Variants in ABCA13 observed in about 807,000 individuals in gnomAD.
ABCA13 encodes the protein ATP-binding cassette sub-family A member 13.
In ABCA13, 476 loss-of-function variants were observed where a neutral mutation model predicts 478.7. The ratio of observed to expected loss-of-function variants is 0.99; its 90% CI spans 0.92 to 1.07. ABCA13 has a LOEUF of 1.07. ABCA13 is among the 50% of genes least tolerant of loss of function. The probability of loss-of-function intolerance (pLI) is 0.00; values close to 1 mark genes in which losing one functional copy is unlikely to be tolerated. For missense variants in ABCA13, 6,060 were observed against 5,910.6 expected, an observed-to-expected ratio of 1.03 and a Z score of -0.83; for synonymous variants, 2,252 against 2,158.9, an observed-to-expected ratio of 1.04 and a Z score of -1.20.
intron 15 of ABCA13, among the ~76,000 whole-genome samples, chr7:48,266,718 T>A (rs904454600): frequency 2.0e-5 from 3 of 151,822 alleles, no homozygotes; most frequent in African/African-American, 7.3e-5. Context: ...CTTCTTTCTT[T>A]ATTCTACTTA....
intron 17 of ABCA13, among the ~76,000 whole-genome samples, chr7:48,277,579 A>C (rs898194703): frequency 1.3e-5 from 2 of 152,206 alleles, no homozygotes; most frequent in Admixed American, 1.3e-4. Flanking sequence ...TCTATCCTAG[A>C]ACTCTCATGA....
intron 61 of ABCA13, 93 bp downstream of exon 61, chr7:48,644,847 T>G: frequency 2.4e-6 from 3 of 1,256,990 alleles, no homozygotes; most frequent in Non-Finnish European, 3.2e-6. Flanking sequence ...TTGCTTCAAT[T>G]CACCACTTTA....
At position 48,276,321 on chromosome 7, in the gene ABCA13, A is replaced by T; in HGVS notation, c.6655A>T (p.Asn2219Tyr). The T allele has an allele frequency of 6.4e-7, 1 of 1,555,734 alleles. No individual in the cohort carries two copies. The highest frequency in any genetic ancestry group is 1.4e-5 in the African/African-American group (1 of 73,334). Reference sequence around the variant, plus strand: ...TAATTTGATCAATAACTTAGCTGGGAATTCTCAGGAAGCAGCTTGGAACTT... The same window carrying T: ...TAATTTGATCAATAACTTAGCTGGGTATTCTCAGGAAGCAGCTTGGAACTT... ...LINLINNLAG[N>Y]SQEAAWNLND... The change falls in exon 17 of 62, where the codon AAT becomes TAT. Residue 2219 changes from asparagine to tyrosine, a missense_variant. By Grantham distance (143) the Asn-to-Tyr change is moderately radical (BLOSUM62 -2). Transcript: ENST00000435803.
intron 23 of ABCA13, among the ~76,000 whole-genome samples, chr7:48,308,528 C>T (rs1801253461): frequency 6.6e-6 from 1 of 152,118 alleles, no homozygotes; most frequent in South Asian, 2.1e-4. Context: ...TACACCGGCA[C>T]TGCCACAAAC....
chr7:48,415,888 T>C (rs1046506112), intron 41 of ABCA13, among the ~76,000 whole-genome samples: 2 of 152,174 alleles, frequency 1.3e-5, no homozygotes, highest in African/African-American at 2.4e-5. Flanking sequence ...CCATAGCACA[T>C]GTGAATAAGA....
At chr7:48,242,950 G>A (rs1224306785) in intron 10 of ABCA13, 1 of 152,224 alleles carries the variant, frequency 6.6e-6, no homozygotes, top group Non-Finnish European at 1.5e-5. Flanking sequence ...TTTCTACTGA[G>A]TTTTTCGTGT....
At chr7:48,280,355 C>T (rs1796871519) in intron 18 of ABCA13, among the ~76,000 whole-genome samples, 1 of 152,184 alleles carries the variant, frequency 6.6e-6, no homozygotes, top group Admixed American at 6.5e-5. Context: ...GGCCAGGCAG[C>T]TGCTGGCTTC....
chr7:48,442,307 A>G (rs1459354203), intron 42 of ABCA13, among the ~76,000 whole-genome samples: 1 of 152,150 alleles, frequency 6.6e-6, no homozygotes, highest in Admixed American at 6.5e-5. Flanking sequence ...AACAACAGAC[A>G]TTCATTTCTC....
chr7:48,628,183 CA>C (rs1171984532), intron 59 of ABCA13, among the ~76,000 whole-genome samples: 4 of 152,174 alleles, frequency 2.6e-5, no homozygotes, highest in African/African-American at 9.7e-5. Flanking sequence ...GAGAGGTCTC[CA>C]GCATCGATTG....
At chr7:48,558,959 C>G (rs1255706498) in intron 55 of ABCA13, among the ~76,000 whole-genome samples, 1 of 152,186 alleles carries the variant, frequency 6.6e-6, no homozygotes, top group Non-Finnish European at 1.5e-5. Flanking sequence ...ATAGTGGCAG[C>G]CTTTTTGCTT....
intron 55 of ABCA13, among the ~76,000 whole-genome samples, chr7:48,569,993 C>T (rs1787453154): frequency 3.3e-5 from 5 of 152,084 alleles, no homozygotes; most frequent in Admixed American, 3.3e-4. Context: ...TGTATTGTTC[C>T]AATCTCCTAT....
At chr7:48,354,941 T>C (rs2128991288) in intron 31 of ABCA13, among the ~76,000 whole-genome samples, 1 of 152,202 alleles carries the variant, frequency 6.6e-6, no homozygotes, top group South Asian at 2.1e-4. Flanking sequence ...ATGAGCTACA[T>C]ATTCATTAAT....
In ABCA13 at chr7:48,461,201, A is replaced by T. The variant is rs554076759; in HGVS notation, c.12816-5755A>T. On this transcript the variant is annotated intron_variant, in intron 43 of 61. Coordinates refer to ENST00000435803, the MANE Select transcript of ABCA13 (RefSeq NM_152701.5). ...GGGATGGAGAGGATGTAGCACACTC[A>T]CCAGCAGGCTCTTGGAAGCCTTTTT... Among the ~76,000 whole-genome samples, 7 of 152,338 alleles carry T rather than the reference A, an allele frequency of 4.6e-5. No individual in the cohort carries two copies. In the East Asian group the frequency reaches 1.3e-3, roughly 29 times the overall value.
In ABCA13 at chr7:48,372,348, G is replaced by A. The variant is rs374380327; in HGVS notation, c.10984G>A (p.Val3662Ile). The A allele has an allele frequency of 4.0e-5, 65 of 1,613,722 alleles. No individual in the cohort carries two copies. In the Middle Eastern group the frequency reaches 4.9e-4, roughly 12 times the overall value. ...TCTCTTGGATTTTGGGATGTCAGTC[G>A]TCATGCTGAGCTACCTCTTGAGTGC... ...LFLLDFGMSV[V>I]MLSYLLSAFF... The change falls in exon 33 of 62, where the codon GTC (valine) becomes ATC (isoleucine). Residue 3662 changes from valine to isoleucine, a missense_variant. Physicochemically the swap from Val to Ile is conservative, Grantham distance 29 (BLOSUM62 3). Around this residue, in one of 3 missense-constraint regions of ABCA13, gnomAD observed 4,423 missense variants for 4,309.1 expected, o/e 1.03. Transcript: ENST00000435803.
chr7:48,630,021 G>A (rs1288282824), intron 59 of ABCA13, among the ~76,000 whole-genome samples: 1 of 151,918 alleles, frequency 6.6e-6, no homozygotes, highest in Non-Finnish European at 1.5e-5. Context: ...GGTCTATTTT[G>A]TTCTACTTTT....
At chr7:48,549,973 G>C (rs910812063) in intron 55 of ABCA13, among the ~76,000 whole-genome samples, 1 of 151,860 alleles carries the variant, frequency 6.6e-6, no homozygotes, top group African/African-American at 2.4e-5. Flanking sequence ...ACCTTTGTCA[G>C]GTGGGTAGAT....
At chr7:48,427,415 A>G (rs1160425961) in intron 41 of ABCA13, among the ~76,000 whole-genome samples, 2 of 152,226 alleles carry the variant, frequency 1.3e-5, no homozygotes, top group East Asian at 3.9e-4. Context: ...CTGAATTCCT[A>G]AGATGCTGGT....
intron 41 of ABCA13, among the ~76,000 whole-genome samples, chr7:48,413,137 G>A (rs1028170165): frequency 6.6e-6 from 1 of 151,944 alleles, no homozygotes; most frequent in Non-Finnish European, 1.5e-5. Context: ...TATTTGAGAA[G>A]CTTGGTGTCT....
intron 55 of ABCA13, among the ~76,000 whole-genome samples, chr7:48,542,525 A>C (rs1834008267): frequency 6.6e-6 from 1 of 151,710 alleles, no homozygotes; most frequent in Non-Finnish European, 1.5e-5. Flanking sequence ...ATTTCAACTG[A>C]AGTGGCCAGA....
Sources: allele counts gnomAD v4.1 joint callset (sites outside exome capture counted in the v4.1 genomes callset), GRCh38; gene constraint gnomAD v4.1.1; regional missense constraint gnomAD v4.1.1; transcripts MANE v1.5; gene names NCBI Gene and HGNC (gene_info 2026-07-23, HGNC 2026-07-21).